LMAN1: variants seen among roughly 807,000 people sequenced by gnomAD.
LMAN1 encodes the protein lectin, mannose binding 1, also known as protein ERGIC-53.
In LMAN1, 32 loss-of-function variants were observed where a neutral mutation model predicts 67.8. That is an observed-to-expected ratio of 0.47 (90% CI 0.36 to 0.63). The LOEUF is 0.63. LMAN1 is among the 30% of genes least tolerant of loss of function. The pLI, the probability that LMAN1 is intolerant of heterozygous loss-of-function variation, is 0.00. For synonymous variants in LMAN1, 235 were observed against 219.3 expected (o/e 1.07, Z -0.63); for missense variants, 632 against 628.2 (o/e 1.01, Z -0.06).
intron 7 of LMAN1, 81 bp downstream of exon 7, chr18:59,347,432 A>G (rs1395101638): frequency 1.0e-6 from 1 of 973,634 alleles, no homozygotes; most frequent in Non-Finnish European, 1.6e-6. Context: ...AACAAGATCC[A>G]AACCTAAGTT....
rs776348822 is a variant in LMAN1 at position 59,353,306 on chromosome 18, AGT to A, written c.540-7_540-6del. 1 of 1,606,544 alleles carries A rather than the reference AGT, an allele frequency of 6.2e-7. No individual in the cohort carries two copies. The highest frequency in any genetic ancestry group is 1.1e-5 in the South Asian group (1 of 90,970). On this transcript the variant is annotated splice_region_variant and splice_polypyrimidine_tract_variant and intron_variant, in intron 4 of 12. Transcript: ENST00000251047. ...AAAGCTTGACTAGCCCCGTCACTAT[AGT>A]GTAAGGGGGAGGAAAACAGACAAGA...
intron 8 of LMAN1, among the ~76,000 whole-genome samples, chr18:59,340,162 C>T (rs1186796390): frequency 6.6e-6 from 1 of 152,132 alleles, no homozygotes; most frequent in Non-Finnish European, 1.5e-5. Context: ...GTGCCCTATC[C>T]TTAGTCCGAG....
At position 59,355,485 on chromosome 18, in the gene LMAN1, G is replaced by A. The variant is rs1434427076; in HGVS notation, c.369+19C>T. 1 of 1,614,054 alleles carries A rather than the reference G, an allele frequency of 6.2e-7. No homozygotes were observed. The highest frequency in any genetic ancestry group is 1.1e-5 in the South Asian group (1 of 91,072). On this transcript the variant is annotated intron_variant, in intron 2 of 12. Coordinates refer to ENST00000251047, the MANE Select transcript of LMAN1 (RefSeq NM_005570.4). ...ATATGCATTTATGCACATTTTCTAA[G>A]TTAAAGAAATGATCATACTAGGCCA...
chr18:59,329,247 T>C lies in LMAN1; in HGVS notation c.*1846A>G, dbSNP rs990670548. 5 of 152,196 alleles carry C rather than the reference T, an allele frequency of 3.3e-5. No individual in the cohort carries two copies. Among genetic ancestry groups the C allele is most frequent in the African/African-American group, 1.2e-4 (5 of 41,452 alleles). 9.4% of individuals were successfully genotyped at this position (152,196 alleles called of 1,614,324 possible). ...GTTTCATAATAGCCATCTCCATTTG[T>C]AGTAAGAATAATCAGAATGATTCCC... On this transcript the variant is annotated 3_prime_UTR_variant, in exon 13 of 13. Transcript: ENST00000251047.
chr18:59,338,348 G>T (rs555619661), intron 10 of LMAN1, among the ~76,000 whole-genome samples: 1 of 152,000 alleles, frequency 6.6e-6, no homozygotes, highest in East Asian at 1.9e-4. Context: ...TTCTTTTCCA[G>T]CTCTAAACAA....
chr18:59,344,288 G>A (rs1409661385), intron 8 of LMAN1, among the ~76,000 whole-genome samples: 1 of 152,108 alleles, frequency 6.6e-6, no homozygotes, highest in Non-Finnish European at 1.5e-5. Flanking sequence ...TCCCACTACT[G>A]GGTGTTTACC....
Position 59,333,221 on chromosome 18 carries a change from C to T in LMAN1, c.1244G>A (p.Arg415Lys), listed in dbSNP as rs1441423303. 1 of 1,613,488 alleles carries T rather than the reference C, an allele frequency of 6.2e-7. No individual in the cohort carries two copies. The highest frequency in any genetic ancestry group is 8.5e-7 in the Non-Finnish European group (1 of 1,179,722). ...EMKNSMSETV[R>K]LVSGMQHPGS... is the part of the protein sequence containing the mutation. The stretch of plus-strand genomic sequence containing the variant: ...AGGGTGCTGCATTCCACTGACCAGT[C>T]TGACGGTTTCACTCATGGAATTTCT... The change falls in exon 11 of 13, where the codon AGA becomes AAA. Residue 415 changes from arginine to lysine, a missense_variant. Coordinates refer to ENST00000251047, the MANE Select transcript of LMAN1 (RefSeq NM_005570.4).
At chr18:59,342,183 TA>T (rs1387422250) in intron 8 of LMAN1, among the ~76,000 whole-genome samples, 27 of 147,014 alleles carry the variant, frequency 1.8e-4, no homozygotes, top group South Asian at 6.5e-4. Context: ...GAATCAGTAG[TA>T]AAAAAAAAAA....
intron 6 of LMAN1, among the ~76,000 whole-genome samples, chr18:59,348,002 G>A (rs1241576504): frequency 6.6e-6 from 1 of 152,186 alleles, no homozygotes; most frequent in African/African-American, 2.4e-5. Context: ...ATACTGCCGG[G>A]TACCTATATG....
intron 8 of LMAN1, among the ~76,000 whole-genome samples, chr18:59,342,102 C>T (rs1273915770): frequency 6.6e-6 from 1 of 151,920 alleles, no homozygotes; most frequent in African/African-American, 2.4e-5. Flanking sequence ...TTCCTGGAAA[C>T]ACACAACTTT....
chr18:59,349,312 T>A, intron 5 of LMAN1, 76 bp from the exon 6 acceptor site: 2 of 1,284,886 alleles, frequency 1.6e-6, no homozygotes, highest in Non-Finnish European at 2.3e-6. Flanking sequence ...ATTTTATGAC[T>A]ACTATTCAGT....
intron 8 of LMAN1, among the ~76,000 whole-genome samples, chr18:59,341,020 T>C (rs34850690): frequency 0.086 from 13,043 of 151,578 alleles, 645 homozygotes; most frequent in Middle Eastern, 0.14. Context: ...AGTAAAGAGG[T>C]GGAAAATAAT....
rs370183077 is a variant in LMAN1 at position 59,346,209 on chromosome 18, CTTTTTTTTTTTTT to C, written c.823-171_823-159del. 1.9e-4 allele frequency among the ~76,000 whole-genome samples: 12 copies of C among 61,608 alleles called. No individual in the cohort carries two copies. The East Asian group carries it at 2.8e-3, about 15-fold the overall frequency. The allele number at this position is 61,608 out of a possible 152,430, so 40.4% of individuals were successfully genotyped here. ...TTTACTTAAACGATAGCAAATTACT[CTTTTTTTTTTTTT>C]TTTTTTTTTTTTTTAGAGACAAGAG... is the stretch of plus-strand genomic sequence containing the variant. On this transcript the variant is annotated intron_variant, in intron 7 of 12. Transcript: ENST00000251047.
chr18:59,350,637 G>A (rs1196364239), intron 5 of LMAN1, among the ~76,000 whole-genome samples: 1 of 152,086 alleles, frequency 6.6e-6, no homozygotes, highest in Non-Finnish European at 1.5e-5. Flanking sequence ...GGAGACTACA[G>A]GCTCCCGCCA....
chr18:59,347,320 CAAAAAAAAAAAAAAAAAAAAAAAAAAAA>C (rs58932497), intron 7 of LMAN1, among the ~76,000 whole-genome samples, 165 bp downstream of exon 7: 4 of 70,320 alleles, frequency 5.7e-5, no homozygotes, highest in Admixed American at 2.1e-4. Context: ...GACTCCGTCT[CAAAAAAAAAAAAAAAAAAAAAAAAAAAA>C]AAAAAAAAAA....
chr18:59,354,481 A>G, intron 4 of LMAN1, 38 bp downstream of exon 4: 1 of 1,127,096 alleles, frequency 8.9e-7, no homozygotes, highest in Non-Finnish European at 1.4e-6. Context: ...TCCAAAAAGA[A>G]GCTGAAATCA....
At position 59,333,071 on chromosome 18, in the gene LMAN1, G is replaced by A. The variant is rs2298712; in HGVS notation, c.1374+20C>T. On this transcript the variant is annotated intron_variant, in intron 11 of 12. Transcript: ENST00000251047. The stretch of plus-strand genomic sequence containing the variant: ...TTTCCTAAAGATTATAATTATAAAA[G>A]GAAAAGGAAACAAAGTTACCATATT... 493,315 of 1,592,906 alleles carry A rather than the reference G, an allele frequency of 0.31. 78,697 individuals are homozygous for A. Among genetic ancestry groups the A allele is most frequent in the African/African-American group, 0.45 (33,501 of 74,380 alleles).
chr18:59,334,065 A>C (rs1908088610), intron 10 of LMAN1, among the ~76,000 whole-genome samples: 1 of 152,210 alleles, frequency 6.6e-6, no homozygotes, highest in East Asian at 1.9e-4. Flanking sequence ...TGTGGGGCTA[A>C]GCTTTTCCAC....
intron 8 of LMAN1, 46 bp downstream of exon 8, chr18:59,345,873 C>A (rs904091561): frequency 2.5e-6 from 4 of 1,611,692 alleles, no homozygotes; most frequent in African/African-American, 2.7e-5. Context: ...TGATCAACAG[C>A]CTCAAGCCCT....
Sources: allele counts gnomAD v4.1 joint callset (sites outside exome capture counted in the v4.1 genomes callset), GRCh38; gene constraint gnomAD v4.1.1; transcripts MANE v1.5; gene names NCBI Gene and HGNC (gene_info 2026-07-23, HGNC 2026-07-21).